The following SLC14A2 variants were observed in gnomAD, a reference collection of about 807,000 sequenced individuals.
SLC14A2 encodes the protein urea transporter 2.
Under a neutral mutation model 104.6 loss-of-function variants are expected in SLC14A2, and 91 were observed. The ratio of observed to expected loss-of-function variants is 0.87; its 90% CI spans 0.73 to 1.04. SLC14A2 has a LOEUF of 1.04. SLC14A2 is among the 50% of genes least tolerant of loss of function. The probability of loss-of-function intolerance (pLI) is 0.00; values close to 1 mark genes in which losing one functional copy is unlikely to be tolerated. For synonymous variants in SLC14A2, 476 were observed against 466.4 expected (o/e 1.02, Z -0.27); for missense variants, 1,189 against 1,156.0 (o/e 1.03, Z -0.41).
At chr18:45,183,716 TTTTC>T in the SLC14A2 span, among the ~76,000 whole-genome samples, 1 of 151,522 alleles carries the variant, frequency 6.6e-6, no homozygotes, top group South Asian at 2.1e-4. Flanking sequence ...TCTCTCTTTC[TTTTC>T]TTTCTCTCTT....
At chr18:45,420,547 G>A (rs2086332546) in intron 1 of SLC14A2, among the ~76,000 whole-genome samples, 1 of 152,064 alleles carries the variant, frequency 6.6e-6, no homozygotes, top group Admixed American at 6.5e-5. Flanking sequence ...ATACTACCCT[G>A]TTTCTGCCCC....
At chr18:45,305,610 C>T (rs558346325) in intron 1 of SLC14A2, among the ~76,000 whole-genome samples, 1 of 152,328 alleles carries the variant, frequency 6.6e-6, no homozygotes, top group Admixed American at 6.5e-5. Flanking sequence ...TTCCACCCAT[C>T]ACGTGAACTC....
intron 1 of SLC14A2, among the ~76,000 whole-genome samples, chr18:45,306,545 TC>T (rs1253774015): frequency 6.6e-6 from 1 of 152,222 alleles, no homozygotes; most frequent in Non-Finnish European, 1.5e-5. Flanking sequence ...AATTTTAATT[TC>T]ATATAATTTT....
At chr18:45,211,155 TC>T (rs1429033850), upstream of SLC14A2, among the ~76,000 whole-genome samples, 2 of 152,306 alleles carry the variant, frequency 1.3e-5, no homozygotes, top group Middle Eastern at 3.4e-3. Flanking sequence ...GTGATTTCCA[TC>T]CAGTTTTGGA....
intron 2 of SLC14A2, among the ~76,000 whole-genome samples, chr18:45,568,214 T>C (rs2044294271): frequency 6.6e-6 from 1 of 152,214 alleles, no homozygotes; most frequent in Non-Finnish European, 1.5e-5. Flanking sequence ...AGCAGGCTTG[T>C]GCCTTGCCCC....
the SLC14A2 span, among the ~76,000 whole-genome samples, chr18:45,204,637 G>A: frequency 7.0e-3 from 1,071 of 152,232 alleles, 3 homozygotes; most frequent in Non-Finnish European, 0.011. Flanking sequence ...ATTGGCATTA[G>A]CAATAAAAGA....
intron 1 of SLC14A2, among the ~76,000 whole-genome samples, chr18:45,296,518 T>A (rs2084919167): frequency 6.6e-6 from 1 of 152,230 alleles, no homozygotes; most frequent in Admixed American, 6.5e-5. Context: ...ATTTTAGGAT[T>A]AGCTAAGCCA....
intron 1 of SLC14A2, among the ~76,000 whole-genome samples, chr18:45,331,458 G>T (rs2085289221): frequency 2.0e-5 from 3 of 152,126 alleles, no homozygotes; most frequent in Admixed American, 1.3e-4. Context: ...TTGGGAGGCT[G>T]AGGCAGGCGG....
At chr18:45,501,693 C>A (rs1350937747) in intron 2 of SLC14A2, among the ~76,000 whole-genome samples, 4 of 152,182 alleles carry the variant, frequency 2.6e-5, no homozygotes, top group Non-Finnish European at 5.9e-5. Flanking sequence ...ATGAATTACC[C>A]AGTCAGAGCA....
chr18:45,276,650 A>G (rs1237522216), intron 1 of SLC14A2, among the ~76,000 whole-genome samples: 3 of 152,246 alleles, frequency 2.0e-5, no homozygotes, highest in Non-Finnish European at 4.4e-5. Context: ...ACATTGAGTT[A>G]GAATACAATT....
At chr18:45,371,858 C>T (rs912254430) in intron 1 of SLC14A2, among the ~76,000 whole-genome samples, 64 of 152,052 alleles carry the variant, frequency 4.2e-4, no homozygotes, top group African/African-American at 1.3e-3. Context: ...AATTCATTGA[C>T]GAGTATGTGT....
At chr18:45,612,095 A>C (rs1055407476), upstream of SLC14A2, among the ~76,000 whole-genome samples, 3 of 152,218 alleles carry the variant, frequency 2.0e-5, no homozygotes, top group Non-Finnish European at 4.4e-5. Flanking sequence ...AGACATATAC[A>C]TAAACAGCAA....
In SLC14A2 at chr18:45,578,022, A is replaced by G. The variant is rs34243213; in HGVS notation, c.-34-46609A>G. Among the ~76,000 whole-genome samples the G allele has an allele frequency of 9.3e-3, 1,409 of 152,228 alleles. 6 individuals are homozygous for G. Among genetic ancestry groups the G allele is most frequent in the Admixed American group, 0.016 (243 of 15,298 alleles). On this transcript the variant is annotated intron_variant, in intron 2 of 20. Transcript: ENST00000586448. Reference sequence around the variant, plus strand: ...ACTCACTCCATTCCAAGGCCCTAAAATTTCTTTAGCCCTGTGGGCCATATT... The same window carrying G: ...ACTCACTCCATTCCAAGGCCCTAAAGTTTCTTTAGCCCTGTGGGCCATATT...
At chr18:45,600,370 T>TC (rs985511735) in intron 2 of SLC14A2, among the ~76,000 whole-genome samples, 1 of 151,652 alleles carries the variant, frequency 6.6e-6, no homozygotes, top group Non-Finnish European at 1.5e-5. Context: ...GGCCACCAGG[T>TC]CCCCCCAACA....
At chr18:45,658,292 G>C (rs2045877295) in intron 10 of SLC14A2, among the ~76,000 whole-genome samples, 1 of 152,132 alleles carries the variant, frequency 6.6e-6, no homozygotes, top group South Asian at 2.1e-4. Flanking sequence ...TTCAAAACCT[G>C]AGAAAGGGCC....
At chr18:45,462,446 C>A (rs1398880851) in intron 1 of SLC14A2, among the ~76,000 whole-genome samples, 1 of 152,112 alleles carries the variant, frequency 6.6e-6, no homozygotes, top group Non-Finnish European at 1.5e-5. Context: ...AGGGTCCCCT[C>A]GTGATGCTGC....
At chr18:45,317,204 T>C (rs958290442) in intron 1 of SLC14A2, among the ~76,000 whole-genome samples, 2 of 152,212 alleles carry the variant, frequency 1.3e-5, no homozygotes, top group Non-Finnish European at 2.9e-5. Flanking sequence ...ACACATCCCC[T>C]TTTGTTCAGG....
intron 2 of SLC14A2, among the ~76,000 whole-genome samples, chr18:45,499,041 TC>T (rs1206093987): frequency 6.6e-6 from 1 of 152,182 alleles, no homozygotes; most frequent in African/African-American, 2.4e-5. Context: ...CATGACTCTG[TC>T]CCCTTGGTCT....
intron 2 of SLC14A2, among the ~76,000 whole-genome samples, chr18:45,562,075 T>C (rs923626078): frequency 6.6e-6 from 1 of 152,210 alleles, no homozygotes; most frequent in African/African-American, 2.4e-5. Context: ...TCTCCTGTTG[T>C]AGAGAAAATG....
Sources: allele counts gnomAD v4.1 joint callset (sites outside exome capture counted in the v4.1 genomes callset), GRCh38; gene constraint gnomAD v4.1.1; transcripts MANE v1.5; gene names NCBI Gene and HGNC (gene_info 2026-07-23, HGNC 2026-07-21).